Variants in TP73 observed in about 807,000 individuals in gnomAD.
TP73 encodes the protein tumor protein p73.
TP73 carries 25 observed loss-of-function variants against 62.5 expected under a neutral mutation model. The ratio of observed to expected loss-of-function variants is 0.40; its 90% CI spans 0.29 to 0.56. The LOEUF (loss-of-function observed/expected upper bound fraction) is 0.56. Among genes scored for constraint, TP73 ranks in the 20% least tolerant of loss-of-function variants. The pLI is 0.46. For missense variants in TP73, 754 were observed against 913.3 expected (o/e 0.83, Z 2.25); for synonymous variants, 423 against 377.5 (o/e 1.12, Z -1.40).
At chr1:3,655,374 G>A (rs1284885573) in intron 1 of TP73, among the ~76,000 whole-genome samples, 8 of 152,312 alleles carry the variant, frequency 5.3e-5, no homozygotes, top group Middle Eastern at 3.4e-3. Context: ...GCAACAGAGC[G>A]AGACTCTGTC....
intron 1 of TP73, chr1:3,659,269 C>G (rs2208993): frequency 0.51 from 78,123 of 151,946 alleles, 20,734 homozygotes; most frequent in South Asian, 0.6. Context: ...TGTTGGGCTC[C>G]GAGCATCTTC....
Position 3,663,414 on chromosome 1 carries a change from C to A in TP73, c.-34+10773C>A, listed in dbSNP as rs917229585. ...TTTGTGGGGTGTGGACAGCACGGAG[C>A]GTGATGAAAGGATACAGGCGGCTGG... On this transcript the variant is annotated intron_variant, in intron 1 of 13. Coordinates refer to ENST00000378295, the MANE Select transcript of TP73 (RefSeq NM_005427.4). This position sits in a 1 kb window ranked among gnomAD's most constrained non-coding sequence, Gnocchi z 4.7. 6.6e-6 allele frequency among the ~76,000 whole-genome samples: 1 copy of A among 152,070 alleles called. No individual in the cohort carries two copies. The highest frequency in any genetic ancestry group is 1.5e-5 in the Non-Finnish European group (1 of 68,012).
intron 1 of TP73, among the ~76,000 whole-genome samples, chr1:3,664,725 G>C (rs2102023808): frequency 6.6e-6 from 1 of 152,318 alleles, no homozygotes; most frequent in Non-Finnish European, 1.5e-5. Flanking sequence ...GATGGTTGGG[G>C]GGCAGGGGTT....
chr1:3,660,789 G>A (rs934456999), intron 1 of TP73, among the ~76,000 whole-genome samples: 1 of 152,226 alleles, frequency 6.6e-6, no homozygotes, highest in Admixed American at 6.5e-5. Context: ...TTTCGGGAAA[G>A]CATCAGAGCC....
chr1:3,709,361 C>A (rs1355222936), intron 4 of TP73, among the ~76,000 whole-genome samples: 1 of 152,218 alleles, frequency 6.6e-6, no homozygotes, highest in Admixed American at 6.5e-5. Context: ...AGTGCTAACA[C>A]CCCGTTTTCT....
intron 1 of TP73, among the ~76,000 whole-genome samples, chr1:3,669,018 G>C (rs3765694): frequency 1.3e-5 from 2 of 152,102 alleles, no homozygotes; most frequent in South Asian, 4.1e-4. Flanking sequence ...GCTCCAGGCC[G>C]GCCACGCTGC....
At chr1:3,698,789 G>T (rs150562270) in intron 3 of TP73, among the ~76,000 whole-genome samples, 1 of 152,226 alleles carries the variant, frequency 6.6e-6, no homozygotes, top group Non-Finnish European at 1.5e-5. Flanking sequence ...TCACCTGGGC[G>T]TGTGGAGGGA....
chr1:3,715,921 C>G (rs923555381), intron 4 of TP73, among the ~76,000 whole-genome samples: 1 of 152,134 alleles, frequency 6.6e-6, no homozygotes, highest in East Asian at 1.9e-4. Context: ...GGACGAGGAT[C>G]GAGCAGGCTC....
At chr1:3,714,003 G>A (rs1338624798) in intron 4 of TP73, among the ~76,000 whole-genome samples, 3 of 152,106 alleles carry the variant, frequency 2.0e-5, no homozygotes, top group African/African-American at 7.2e-5. Context: ...CCCAAGGGTT[G>A]CAAACCCACC....
At chr1:3,682,165 G>A (rs1354884149) in intron 1 of TP73, among the ~76,000 whole-genome samples, 168 bp from the exon 2 acceptor site, 3 of 152,236 alleles carry the variant, frequency 2.0e-5, no homozygotes, top group Non-Finnish European at 1.5e-5. Flanking sequence ...GCGGGGAACA[G>A]GGTGGACGAA....
At chr1:3,690,617 G>T in intron 3 of TP73, 1 of 1,304,350 alleles carries the variant, frequency 7.7e-7, no homozygotes, top group Non-Finnish European at 9.8e-7. Flanking sequence ...GGCCTGCCCC[G>T]GACTTGGATG....
At chr1:3,691,381 G>C (rs1485035643) in intron 3 of TP73, among the ~76,000 whole-genome samples, 7 of 152,156 alleles carry the variant, frequency 4.6e-5, no homozygotes, top group Non-Finnish European at 1.0e-4. Context: ...TGGGTGTGAA[G>C]CTGCCCCCGC....
intron 3 of TP73, 61 bp from the exon 4 acceptor site, chr1:3,707,488 G>C (rs566225603): frequency 4.6e-5 from 72 of 1,564,200 alleles, no homozygotes; most frequent in Non-Finnish European, 6.1e-5. Context: ...ACACCTCCTA[G>C]ACGGGACAGG....
chr1:3,691,386 C>T (rs1645824503), intron 3 of TP73, among the ~76,000 whole-genome samples: 1 of 152,082 alleles, frequency 6.6e-6, no homozygotes, highest in Non-Finnish European at 1.5e-5. Flanking sequence ...GTGAAGCTGC[C>T]CCCGCCCTCA....
chr1:3,721,924 G>A (rs1641101982), intron 4 of TP73, 97 bp from the exon 5 acceptor site: 24 of 1,296,548 alleles, frequency 1.9e-5, no homozygotes, highest in Non-Finnish European at 2.5e-5. Flanking sequence ...TGTGGAAGGG[G>A]CACCCATGGG....
chr1:3,678,525 G>A (rs1418634766), intron 1 of TP73, among the ~76,000 whole-genome samples: 1 of 152,272 alleles, frequency 6.6e-6, no homozygotes, highest in Non-Finnish European at 1.5e-5. Context: ...TGCTACCAGC[G>A]TTGGCGTTTT....
chr1:3,707,569 C>T lies in TP73; in HGVS notation c.207C>T (p.Ser69=), dbSNP rs752838538. The T allele has an allele frequency of 8.1e-6, 13 of 1,611,786 alleles. No individual in the cohort carries two copies. Among genetic ancestry groups the T allele is most frequent in the Non-Finnish European group, 1.1e-5 (13 of 1,179,166 alleles). ...TSVMAQFNLL[S]STMDQMSSRA... is the part of the protein sequence containing the mutation. ...GCCAGGCCCAGTTCAATCTGCTGAG[C>T]AGCACCATGGACCAGATGAGCAGCC... is the stretch of plus-strand genomic sequence containing the variant. Residue 69 remains serine (S), a synonymous_variant, in exon 4 of 14, where the codon AGC becomes AGT. Coordinates refer to ENST00000378295, the MANE Select transcript of TP73 (RefSeq NM_005427.4).
intron 1 of TP73, 21 bp downstream of exon 1, chr1:3,652,662 G>C (rs1415480410): frequency 6.6e-6 from 1 of 152,314 alleles, no homozygotes; most frequent in Admixed American, 6.5e-5. Context: ...CAGGGCCGGG[G>C]GGCGGTTCGG....
chr1:3,725,968 GGGGTGGATGGGTGGATGGATGGATGGGAT>G, intron 6 of TP73, among the ~76,000 whole-genome samples: 1 of 131,144 alleles, frequency 7.6e-6, no homozygotes, highest in South Asian at 2.8e-4. Context: ...ATGGATGGAT[GGGGTGGATGGGTGGATGGATGGATGGGAT>G]GGGTGGATGG....
Sources: gnomAD v4.1 joint callset for allele counts (sites outside exome capture counted in the v4.1 genomes callset) on GRCh38, gnomAD v4.1.1 for gene constraint, Gnocchi (gnomAD v3.1) non-coding constraint, MANE v1.5 for transcripts, NCBI Gene and HGNC (gene_info 2026-07-23, HGNC 2026-07-21) for gene names.